TJP1: variants seen among roughly 807,000 people sequenced by gnomAD.
TJP1 encodes the protein tight junction protein 1.
TJP1 carries 43 observed loss-of-function variants against 194.2 expected under a neutral mutation model. The ratio of observed to expected loss-of-function variants is 0.22; its 90% CI spans 0.17 to 0.29. The LOEUF (loss-of-function observed/expected upper bound fraction) is 0.29, where lower values mean the gene tolerates loss of function less well. Ranked by LOEUF, TJP1 falls within the 10% of genes least tolerant of loss-of-function variation. TJP1 has a pLI of 1.00. For synonymous variants in TJP1, 801 were observed against 779.0 expected, an observed-to-expected ratio of 1.03 and a Z score of -0.47; for missense variants, 1,971 against 2,185.7, an observed-to-expected ratio of 0.90 and a Z score of 1.96.
At chr15:29,842,211 G>A (rs785455) in intron 2 of TJP1, among the ~76,000 whole-genome samples, 116,054 of 152,068 alleles carry the variant, frequency 0.76, 44,383 homozygotes, top group East Asian at 0.92. Context: ...TTCCTGGAGC[G>A]TATTTCTGGC....
chr15:29,804,132 G>A (rs2048968284), intron 1 of TJP1, among the ~76,000 whole-genome samples: 1 of 152,068 alleles, frequency 6.6e-6, no homozygotes, highest in Admixed American at 6.6e-5. Context: ...TGTGGCAAAA[G>A]TAGCAAATTC....
At chr15:29,918,697 C>T (rs1462565518) in intron 2 of TJP1, among the ~76,000 whole-genome samples, 2 of 151,962 alleles carry the variant, frequency 1.3e-5, no homozygotes, top group African/African-American at 4.8e-5. Context: ...TGAGATTGTG[C>T]CACTGCACTC....
intron 2 of TJP1, among the ~76,000 whole-genome samples, chr15:29,791,384 T>C (rs1244860732): frequency 6.6e-6 from 1 of 151,158 alleles, no homozygotes; most frequent in African/African-American, 2.4e-5. Context: ...TTGCTCTATT[T>C]TCAGTTTTTG....
At position 29,728,021 on chromosome 15, in the gene TJP1, TATTC is replaced by T; in HGVS notation, c.2018-6_2018-3del. 6.2e-7 allele frequency: 1 copy of T among 1,613,804 alleles called. No individual in the cohort carries two copies. The highest frequency in any genetic ancestry group is 1.6e-4 in the Middle Eastern group (1 of 6,062). ...TTCCAGCGTCTCGTGGTTCACTCTC[TATTC>T]ATTATGTCAGGACAAAAATAAGACA... On this transcript the variant is annotated splice_polypyrimidine_tract_variant and splice_region_variant and intron_variant, in intron 15 of 27. Transcript: ENST00000614355.
At chr15:29,875,921 C>T (rs1316206573) in intron 2 of TJP1, among the ~76,000 whole-genome samples, 1 of 152,142 alleles carries the variant, frequency 6.6e-6, no homozygotes, top group Non-Finnish European at 1.5e-5. Flanking sequence ...GGTGGCATTT[C>T]CAATGACCAA....
intron 2 of TJP1, among the ~76,000 whole-genome samples, chr15:29,880,616 C>T (rs956603636): frequency 2.0e-5 from 3 of 152,198 alleles, no homozygotes; most frequent in Non-Finnish European, 4.4e-5. Context: ...CCCTGCAGCC[C>T]CTGGCAACCA....
At chr15:29,796,796 G>A (rs2048442025) in intron 2 of TJP1, among the ~76,000 whole-genome samples, 1 of 152,160 alleles carries the variant, frequency 6.6e-6, no homozygotes, top group South Asian at 2.1e-4. Flanking sequence ...AGTAATCGAT[G>A]CATAAGTAAC....
intron 2 of TJP1, among the ~76,000 whole-genome samples, chr15:29,923,540 A>T (rs1300767574): frequency 6.6e-6 from 1 of 152,232 alleles, no homozygotes; most frequent in Admixed American, 6.5e-5. Context: ...CAGCATGCAA[A>T]GTCAAAGACC....
intron 2 of TJP1, among the ~76,000 whole-genome samples, chr15:29,790,364 C>T (rs1363108926): frequency 6.6e-6 from 1 of 152,252 alleles, no homozygotes; most frequent in East Asian, 1.9e-4. Flanking sequence ...ACTGGCAAGA[C>T]TTTTTCATTG....
chr15:29,857,926 T>A, intron 2 of TJP1, among the ~76,000 whole-genome samples: 1 of 152,108 alleles, frequency 6.6e-6, no homozygotes, highest in East Asian at 1.9e-4. Flanking sequence ...CATGCCTGGC[T>A]AATTTTTTGT....
At chr15:29,899,649 A>T (rs778653852) in intron 2 of TJP1, among the ~76,000 whole-genome samples, 8 of 152,176 alleles carry the variant, frequency 5.3e-5, no homozygotes, top group Non-Finnish European at 1.2e-4. Flanking sequence ...CTACATCACT[A>T]CAGGTTTGCT....
intron 2 of TJP1, among the ~76,000 whole-genome samples, chr15:29,939,516 A>C (rs180860453): frequency 6.6e-6 from 1 of 152,204 alleles, no homozygotes; most frequent in East Asian, 1.9e-4. Context: ...CTGCTCCCCA[A>C]CCCCTAGCAC....
intron 2 of TJP1, among the ~76,000 whole-genome samples, chr15:29,885,419 G>T (rs563293561): frequency 1.3e-5 from 2 of 152,366 alleles, no homozygotes; most frequent in African/African-American, 4.8e-5. Flanking sequence ...TCTGAAGGCT[G>T]TGGGGAGGGA....
At chr15:29,812,902 A>G (rs2049626577) in intron 1 of TJP1, among the ~76,000 whole-genome samples, 1 of 152,164 alleles carries the variant, frequency 6.6e-6, no homozygotes, top group Non-Finnish European at 1.5e-5. Flanking sequence ...TGCCATGGCT[A>G]CTGACTTGAT....
At chr15:29,837,157 A>C (rs1310786142) in intron 2 of TJP1, among the ~76,000 whole-genome samples, 2 of 152,248 alleles carry the variant, frequency 1.3e-5, no homozygotes, top group Non-Finnish European at 2.9e-5. Flanking sequence ...GTTATTATTT[A>C]AACAGAACAA....
chr15:29,812,039 G>GCC (rs2049558711), intron 1 of TJP1, among the ~76,000 whole-genome samples: 1 of 152,208 alleles, frequency 6.6e-6, no homozygotes, highest in Non-Finnish European at 1.5e-5. Context: ...TATGTGCTGA[G>GCC]CCCACAATCA....
rs74736851 is a variant in TJP1 at position 29,726,482 on chromosome 15, G to A, written c.2312-3C>T. 1.5e-5 allele frequency: 24 copies of A among 1,613,188 alleles called. No individual in the cohort carries two copies. In the East Asian group the frequency reaches 1.8e-4, roughly 12 times the overall value. The stretch of plus-strand genomic sequence containing the variant: ...CATTGAATTTAAGTTAATTGTAGCT[G>A]AAAATAAATTAACGATGTAGTTTTA... On this transcript the variant is annotated splice_polypyrimidine_tract_variant and splice_region_variant and intron_variant, in intron 17 of 27. Transcript: ENST00000614355.
chr15:29,822,061 C>T lies in TJP1; in HGVS notation c.-33G>A. On this transcript the variant is annotated 5_prime_UTR_variant, in exon 1 of 28. Coordinates refer to ENST00000614355, the MANE Select transcript of TJP1 (RefSeq NM_001330239.4). The stretch of plus-strand genomic sequence containing the variant: ...CTCTCCAGCGCCGCGCGAGGCTCCT[C>T]GGACCCGAAACTCCGCGGCGCTGGC... 2 of 1,279,072 alleles carry T rather than the reference C, an allele frequency of 1.6e-6. No homozygotes were observed. Among genetic ancestry groups the T allele is most frequent in the Non-Finnish European group, 9.9e-7 (1 of 1,013,154 alleles). 79.2% of individuals were successfully genotyped at this position (1,279,072 alleles called of 1,614,324 possible).
chr15:29,801,014 C>A (rs942579720), intron 1 of TJP1, among the ~76,000 whole-genome samples: 7 of 152,268 alleles, frequency 4.6e-5, no homozygotes, highest in African/African-American at 1.4e-4. Flanking sequence ...AAAGTTGGAG[C>A]GGTATTATCT....
Sources: gnomAD v4.1 joint callset for allele counts (sites outside exome capture counted in the v4.1 genomes callset) on GRCh38, gnomAD v4.1.1 for gene constraint, MANE v1.5 for transcripts, NCBI Gene and HGNC (gene_info 2026-07-23, HGNC 2026-07-21) for gene names.